Variants in GOLGA4 observed in about 807,000 individuals in gnomAD.
GOLGA4 encodes the protein golgin A4, also known as golgin subfamily A member 4.
In GOLGA4, 169 loss-of-function variants were observed where a neutral mutation model predicts 265.9. The observed-to-expected ratio is 0.64, with a 90% confidence interval of 0.56 to 0.72. The LOEUF (loss-of-function observed/expected upper bound fraction) is 0.72, where lower values mean the gene tolerates loss of function less well. Among genes scored for constraint, GOLGA4 ranks in the 30% least tolerant of loss-of-function variants. The pLI, the probability that GOLGA4 is intolerant of heterozygous loss-of-function variation, is 0.00. For synonymous variants in GOLGA4, 923 were observed against 855.8 expected (o/e 1.08, Z -1.37); for missense variants, 2,482 against 2,483.4 (o/e 1.00, Z 0.01).
At chr3:37,303,090 G>A (rs1578591358) in intron 10 of GOLGA4, among the ~76,000 whole-genome samples, 1 of 152,354 alleles carries the variant, frequency 6.6e-6, no homozygotes, top group African/African-American at 2.4e-5. Context: ...TGATCATAGT[G>A]GGTGTGTGAA....
At chr3:37,258,408 A>G (rs988685650) in intron 2 of GOLGA4, among the ~76,000 whole-genome samples, 1 of 151,710 alleles carries the variant, frequency 6.6e-6, no homozygotes, top group Non-Finnish European at 1.5e-5. Context: ...GCTCACTGCA[A>G]CCTCTACCTC....
Position 37,327,218 on chromosome 3 carries a change from A to T in GOLGA4, c.5332A>T (p.Ile1778Leu). Residue 1778 changes from isoleucine (I) to leucine (L), a missense_variant, in exon 14 of 24, where the codon ATA (isoleucine) becomes TTA (leucine). Physicochemically the swap from Ile to Leu is conservative, Grantham distance 5. Around this residue, in one of 3 missense-constraint regions of GOLGA4, gnomAD observed 942 missense variants for 983.1 expected, o/e 0.96. Transcript: ENST00000361924. ...EMRCQYQERL[I>L]KLEHAEAKQH... ...GCGATGCCAATACCAGGAGCGCTTA[A>T]TAAAGCTAGAACATGCTGAGGCAAA... is the stretch of plus-strand genomic sequence containing the variant. 6.2e-7 allele frequency: 1 copy of T among 1,613,958 alleles called. No individual in the cohort carries two copies. Among genetic ancestry groups the T allele is most frequent in the Non-Finnish European group, 8.5e-7 (1 of 1,179,894 alleles).
At chr3:37,360,302 C>T (rs1416531621) in intron 22 of GOLGA4, among the ~76,000 whole-genome samples, 1 of 152,030 alleles carries the variant, frequency 6.6e-6, no homozygotes, top group African/African-American at 2.4e-5. Flanking sequence ...CTCCTCATTC[C>T]ATTTACTTAT....
intron 12 of GOLGA4, 58 bp from the exon 13 acceptor site, chr3:37,321,673 T>G: frequency 6.8e-7 from 1 of 1,468,790 alleles, no homozygotes; most frequent in Admixed American, 2.1e-5. Context: ...GGGGAAGTAC[T>G]TTGCGAATGC....
At chr3:37,249,614 G>T (rs575736121) in intron 1 of GOLGA4, 1 of 152,180 alleles carries the variant, frequency 6.6e-6, no homozygotes, top group African/African-American at 2.4e-5. Context: ...GTCTTTGGTG[G>T]GAGAGGATAT....
intron 2 of GOLGA4, among the ~76,000 whole-genome samples, chr3:37,257,940 C>CATATATAT (rs36161155): frequency 7.9e-5 from 6 of 75,952 alleles, no homozygotes; most frequent in Middle Eastern, 7.1e-3. Flanking sequence ...TATATACATA[C>CATATATAT]ATATATATGT....
intron 19 of GOLGA4, among the ~76,000 whole-genome samples, chr3:37,338,309 A>G (rs986147351): frequency 6.6e-6 from 1 of 152,216 alleles, no homozygotes; most frequent in African/African-American, 2.4e-5. Flanking sequence ...TTTAAAATTC[A>G]TACAGACAAA....
chr3:37,301,755 TATC>T (rs1213683503), intron 9 of GOLGA4, among the ~76,000 whole-genome samples: 2 of 152,128 alleles, frequency 1.3e-5, no homozygotes, highest in Non-Finnish European at 2.9e-5. Context: ...TAGCAAGAAA[TATC>T]ATTTTTTCTG....
intron 5 of GOLGA4, among the ~76,000 whole-genome samples, chr3:37,294,767 C>G (rs770954155): frequency 1.3e-5 from 2 of 152,058 alleles, no homozygotes; most frequent in Non-Finnish European, 2.9e-5. Flanking sequence ...CTTTTTTCTT[C>G]TTGGATCTTC....
chr3:37,278,797 T>C (rs1173761878), intron 2 of GOLGA4, among the ~76,000 whole-genome samples: 4 of 151,788 alleles, frequency 2.6e-5, no homozygotes, highest in Non-Finnish European at 5.9e-5. Context: ...AAAGATGCCT[T>C]CACTCAGTTT....
chr3:37,334,761 TTTTTGGG>T (rs2097003921), intron 16 of GOLGA4, among the ~76,000 whole-genome samples: 2 of 152,190 alleles, frequency 1.3e-5, no homozygotes, highest in South Asian at 4.1e-4. Flanking sequence ...CTTGATGAGC[TTTTTGGG>T]ATGAGGAGAG....
chr3:37,307,643 A>AG (rs1001048744), intron 10 of GOLGA4, among the ~76,000 whole-genome samples: 8 of 152,112 alleles, frequency 5.3e-5, no homozygotes, highest in African/African-American at 1.9e-4. Flanking sequence ...AAAAAAAAAA[A>AG]GTATGAATGA....
intron 12 of GOLGA4, chr3:37,319,946 TG>T (rs2096950072): frequency 6.6e-6 from 1 of 152,152 alleles, no homozygotes; most frequent in Non-Finnish European, 1.5e-5. Flanking sequence ...TCAAGAAGAA[TG>T]TCGAAAATCT....
chr3:37,276,614 A>C, intron 2 of GOLGA4: 8 of 1,556,842 alleles, frequency 5.1e-6, no homozygotes, highest in Non-Finnish European at 8.8e-7. Flanking sequence ...AAGAATTGGC[A>C]AAATATCTGG....
chr3:37,324,142 G>T lies in GOLGA4; in HGVS notation c.2256G>T (p.Lys752Asn), dbSNP rs1283315168. 6 of 1,613,806 alleles carry T rather than the reference G, an allele frequency of 3.7e-6. No individual in the cohort carries two copies. The highest frequency in any genetic ancestry group is 2.7e-5 in the African/African-American group (2 of 74,914). Reference sequence around the variant, plus strand: ...AGGTATCTATCCAGAGGACTGAGAAGGCATTAAAAGATCAAATTAATCAAC... The same window carrying T: ...AGGTATCTATCCAGAGGACTGAGAATGCATTAAAAGATCAAATTAATCAAC... ...EHEVSIQRTEKALKDQINQLE... is the reference protein window; with the variant it reads ...EHEVSIQRTENALKDQINQLE... The change falls in exon 14 of 24, where the codon AAG becomes AAT. Residue 752 changes from lysine to asparagine, a missense_variant. Lys to Asn is a moderately conservative substitution (Grantham distance 94). Around this residue, in one of 3 missense-constraint regions of GOLGA4, gnomAD observed 1,536 missense variants for 1,483.7 expected, o/e 1.04. Transcript: ENST00000361924.
chr3:37,315,709 CTG>C, intron 11 of GOLGA4, 111 bp downstream of exon 11: 1 of 916,906 alleles, frequency 1.1e-6, no homozygotes, highest in Non-Finnish European at 1.7e-6. Flanking sequence ...TAGACATTGA[CTG>C]TTTTCTGATA....
intron 2 of GOLGA4, among the ~76,000 whole-genome samples, chr3:37,257,991 A>G (rs2096756223): frequency 1.1e-5 from 1 of 90,988 alleles, no homozygotes; most frequent in Non-Finnish European, 2.0e-5. Context: ...ATATGTATGT[A>G]TATATGTATA....
chr3:37,339,380 TA>T (rs1014530688), intron 19 of GOLGA4, among the ~76,000 whole-genome samples: 9 of 152,236 alleles, frequency 5.9e-5, no homozygotes, highest in Admixed American at 2.0e-4. Context: ...GGTTTTTGTT[TA>T]AACACCTGTT....
intron 21 of GOLGA4, among the ~76,000 whole-genome samples, chr3:37,350,054 G>A (rs903352622): frequency 6.6e-6 from 1 of 152,092 alleles, no homozygotes; most frequent in African/African-American, 2.4e-5. Context: ...AACATAAAGT[G>A]TTTCTCATCC....
Sources: gnomAD v4.1 joint callset for allele counts (sites outside exome capture counted in the v4.1 genomes callset) on GRCh38, gnomAD v4.1.1 for gene constraint, gnomAD v4.1.1 regional missense constraint, MANE v1.5 for transcripts, NCBI Gene and HGNC (gene_info 2026-07-23, HGNC 2026-07-21) for gene names.